The following LDLRAD4 variants were observed in gnomAD, a reference collection of about 807,000 sequenced individuals.
LDLRAD4 encodes the protein low-density lipoprotein receptor class A domain-containing protein 4.
In LDLRAD4, 5 loss-of-function variants were observed where a neutral mutation model predicts 17.0. That is an observed-to-expected ratio of 0.29 (90% CI 0.15 to 0.62). LDLRAD4 has a LOEUF of 0.62. LDLRAD4 is among the 20% of genes least tolerant of loss of function. LDLRAD4 has a pLI of 0.84. For synonymous variants in LDLRAD4, 168 were observed against 171.8 expected, an observed-to-expected ratio of 0.98 and a Z score of 0.17; for missense variants, 340 against 424.7, an observed-to-expected ratio of 0.80 and a Z score of 1.75.
intron 1 of LDLRAD4, among the ~76,000 whole-genome samples, chr18:13,339,205 A>G (rs2082249569): frequency 6.9e-6 from 1 of 145,242 alleles, no homozygotes; most frequent in Non-Finnish European, 1.5e-5. Flanking sequence ...CTTCTGTAGT[A>G]TCACTACTTT....
At chr18:13,241,309 G>A (rs2042634818) in intron 1 of LDLRAD4, 1 of 152,246 alleles carries the variant, frequency 6.6e-6, no homozygotes, top group Non-Finnish European at 1.5e-5. Flanking sequence ...AACCAGTGTC[G>A]AGTTCCATGC....
At chr18:13,524,746 AAGG>A (rs1241452426) in intron 3 of LDLRAD4, among the ~76,000 whole-genome samples, 4 of 152,250 alleles carry the variant, frequency 2.6e-5, no homozygotes, top group African/African-American at 9.6e-5. Context: ...GCTCCCTGCA[AAGG>A]AGATGTGGCT....
At chr18:13,450,954 T>C (rs1263888751) in intron 3 of LDLRAD4, among the ~76,000 whole-genome samples, 1 of 152,146 alleles carries the variant, frequency 6.6e-6, no homozygotes, top group Non-Finnish European at 1.5e-5. Context: ...GCCAGGGATG[T>C]CAGGCCAGAT....
intron 3 of LDLRAD4, chr18:13,484,008 A>G (rs568163782): frequency 6.6e-6 from 1 of 152,260 alleles, no homozygotes; most frequent in African/African-American, 2.4e-5. Flanking sequence ...GGCCCGTGAG[A>G]TGTCTATGTT....
chr18:13,280,992 T>C (rs781609944), intron 1 of LDLRAD4, among the ~76,000 whole-genome samples: 34 of 152,188 alleles, frequency 2.2e-4, no homozygotes, highest in Non-Finnish European at 3.5e-4. Context: ...AATCATTACC[T>C]TTGAATATAG....
At chr18:13,508,643 T>C (rs1330177553) in intron 3 of LDLRAD4, among the ~76,000 whole-genome samples, 4 of 152,138 alleles carry the variant, frequency 2.6e-5, no homozygotes, top group Non-Finnish European at 5.9e-5. Context: ...AGATCTAAAA[T>C]AGATCCATAG....
At chr18:13,220,036 CTGAG>C (rs560865022) in intron 1 of LDLRAD4, among the ~76,000 whole-genome samples, 395 of 152,340 alleles carry the variant, frequency 2.6e-3, no homozygotes, top group Non-Finnish European at 2.0e-3. Flanking sequence ...ATGAGGATGT[CTGAG>C]TATTACCCAT....
chr18:13,550,836 T>C (rs1038740860), intron 3 of LDLRAD4, among the ~76,000 whole-genome samples: 1 of 152,126 alleles, frequency 6.6e-6, no homozygotes, highest in Non-Finnish European at 1.5e-5. Flanking sequence ...TCCCTTCCTC[T>C]GCGAGCAGGC....
intron 2 of LDLRAD4, among the ~76,000 whole-genome samples, chr18:13,409,801 A>G (rs2088152328): frequency 6.6e-6 from 1 of 152,224 alleles, no homozygotes; most frequent in African/African-American, 2.4e-5. Context: ...GAGACCTGAT[A>G]CTGGGTGCTG....
At chr18:13,331,043 T>A (rs919094858) in intron 1 of LDLRAD4, among the ~76,000 whole-genome samples, 3 of 152,214 alleles carry the variant, frequency 2.0e-5, no homozygotes, top group Non-Finnish European at 4.4e-5. Context: ...TCCTTCCTAA[T>A]AAATGCTGTA....
chr18:13,506,787 T>A (rs2093700854), intron 3 of LDLRAD4, among the ~76,000 whole-genome samples: 1 of 152,224 alleles, frequency 6.6e-6, no homozygotes, highest in Non-Finnish European at 1.5e-5. Flanking sequence ...GACTTTAAAT[T>A]GGCATGGTAA....
chr18:13,635,931 CTGTGTGTGTGTGTGTGTGTG>C (rs60695092), intron 4 of LDLRAD4, among the ~76,000 whole-genome samples: 1 of 147,342 alleles, frequency 6.8e-6, no homozygotes, highest in African/African-American at 2.6e-5. Flanking sequence ...GACAGCTATG[CTGTGTGTGTGTGTGTGTGTG>C]TGTGTGTGTG....
Position 13,316,313 on chromosome 18 carries a change from G to A in LDLRAD4, c.-383+38125G>A, listed in dbSNP as rs188897841. Among the ~76,000 whole-genome samples the A allele has an allele frequency of 1.8e-3, 269 of 152,258 alleles. 1 individual carries two copies. Among genetic ancestry groups the A allele is most frequent in the African/African-American group, 6.2e-3 (257 of 41,562 alleles). ...ACAGAGATCATAGAAATCAGATGACGATGAAATGACAGTCTTTAAAGTGGA... is the reference window on the plus strand; with the variant it reads ...ACAGAGATCATAGAAATCAGATGACAATGAAATGACAGTCTTTAAAGTGGA... On this transcript the variant is annotated intron_variant, in intron 1 of 5. Coordinates refer to ENST00000359446, the Ensembl canonical transcript of LDLRAD4.
At chr18:13,587,913 C>T (rs1472758230) in intron 3 of LDLRAD4, among the ~76,000 whole-genome samples, 4 of 152,162 alleles carry the variant, frequency 2.6e-5, no homozygotes, top group South Asian at 4.1e-4. Flanking sequence ...GGTAGCTGAT[C>T]TTGAATCTCT....
chr18:13,274,469 C>G (rs1314281525), upstream of LDLRAD4, among the ~76,000 whole-genome samples: 1 of 152,222 alleles, frequency 6.6e-6, no homozygotes, highest in African/African-American at 2.4e-5. Flanking sequence ...TGTTGCAGTT[C>G]TCTGCCTCGT....
intron 1 of LDLRAD4, among the ~76,000 whole-genome samples, chr18:13,224,408 G>A (rs1300008008): frequency 6.6e-6 from 1 of 151,424 alleles, no homozygotes; most frequent in Admixed American, 6.6e-5. Context: ...CCCACCAGCT[G>A]TCTCTTCACT....
In LDLRAD4 at chr18:13,602,360, G is replaced by A. The variant is rs538353757; in HGVS notation, c.182-18757G>A. Reference sequence around the variant, plus strand: ...GTATCAGACAGTTTAGTAGGGGTTAGAATTTCAACCCAGGATATCTGACTG... The same window carrying A: ...GTATCAGACAGTTTAGTAGGGGTTAAAATTTCAACCCAGGATATCTGACTG... On this transcript the variant is annotated intron_variant, in intron 3 of 5. Coordinates refer to ENST00000359446, the Ensembl canonical transcript of LDLRAD4. Among the ~76,000 whole-genome samples the A allele has an allele frequency of 1.5e-3, 232 of 152,216 alleles. 6 individuals are homozygous for A. The South Asian group carries it at 0.047, about 31-fold the overall frequency.
intron 3 of LDLRAD4, among the ~76,000 whole-genome samples, chr18:13,583,951 T>C (rs1381225470): frequency 2.0e-5 from 3 of 152,162 alleles, no homozygotes; most frequent in Admixed American, 2.0e-4. Flanking sequence ...CCTACAGGCC[T>C]GCCGTGCCCT....
chr18:13,594,665 CAAAAAAAAAAAAAA>C (rs56035558), intron 3 of LDLRAD4, among the ~76,000 whole-genome samples: 547 of 29,614 alleles, frequency 0.018, 26 homozygotes, highest in African/African-American at 0.044. Context: ...GATTCCATCT[CAAAAAAAAAAAAAA>C]AAAAAAAAAA....
Sources: allele counts gnomAD v4.1 joint callset (sites outside exome capture counted in the v4.1 genomes callset), GRCh38; gene constraint gnomAD v4.1.1; transcripts MANE v1.5; gene names NCBI Gene and HGNC (gene_info 2026-07-23, HGNC 2026-07-21).